The following PTPRA variants were observed in gnomAD, a reference collection of about 807,000 sequenced individuals.
The protein encoded by PTPRA is protein tyrosine phosphatase receptor type A, also known as receptor-type tyrosine-protein phosphatase alpha.
Under a neutral mutation model 104.8 loss-of-function variants are expected in PTPRA, and 25 were observed. That is an observed-to-expected ratio of 0.24 (90% CI 0.17 to 0.33). The LOEUF (loss-of-function observed/expected upper bound fraction) is 0.33, where lower values mean the gene tolerates loss of function less well. PTPRA is among the 10% of genes least tolerant of loss of function. The probability of loss-of-function intolerance (pLI) is 1.00; values close to 1 mark genes in which losing one functional copy is unlikely to be tolerated. For missense variants in PTPRA, 765 were observed against 1,015.3 expected (o/e 0.75, Z 3.35); for synonymous variants, 323 against 368.9 (o/e 0.88, Z 1.43).
At chr20:2,929,935 C>T (rs2060449463) in intron 2 of PTPRA, among the ~76,000 whole-genome samples, 1 of 152,122 alleles carries the variant, frequency 6.6e-6, no homozygotes, top group African/African-American at 2.4e-5. Flanking sequence ...TACACGCAGA[C>T]ATCAGAAACA....
chr20:3,001,331 T>G (rs940701343), intron 9 of PTPRA, among the ~76,000 whole-genome samples: 1 of 152,220 alleles, frequency 6.6e-6, no homozygotes, highest in African/African-American at 2.4e-5. Context: ...CCTGACTCTT[T>G]TTAGGAGCCT....
At chr20:3,011,339 C>T (rs1035949214) in intron 11 of PTPRA, among the ~76,000 whole-genome samples, 1 of 152,178 alleles carries the variant, frequency 6.6e-6, no homozygotes, top group African/African-American at 2.4e-5. Context: ...TGAGCACCTG[C>T]TGTGTGCCAA....
At chr20:3,017,523 C>T (rs1464574215) in intron 12 of PTPRA, among the ~76,000 whole-genome samples, 3 of 152,166 alleles carry the variant, frequency 2.0e-5, no homozygotes, top group African/African-American at 7.2e-5. Context: ...ATTCTGTGAG[C>T]AGTCATGATT....
intron 20 of PTPRA, among the ~76,000 whole-genome samples, chr20:3,029,069 C>T (rs1052719637): frequency 6.7e-6 from 1 of 150,320 alleles, no homozygotes; most frequent in Non-Finnish European, 1.5e-5. Flanking sequence ...AACTTTGGTA[C>T]AAGGCTTTAC....
At chr20:3,002,498 T>G (rs2148272728) in intron 9 of PTPRA, among the ~76,000 whole-genome samples, 1 of 152,176 alleles carries the variant, frequency 6.6e-6, no homozygotes, top group East Asian at 1.9e-4. Context: ...GGCTAATTTT[T>G]TGTATTTTTA....
At chr20:2,998,698 T>C (rs1323606336) in intron 9 of PTPRA, among the ~76,000 whole-genome samples, 1 of 152,112 alleles carries the variant, frequency 6.6e-6, no homozygotes, top group Non-Finnish European at 1.5e-5. Context: ...TGGTGACTAT[T>C]GGGTGAGAGT....
chr20:2,897,536 C>T lies in PTPRA; in HGVS notation c.-129+23776C>T, dbSNP rs180998626. 3.7e-3 allele frequency among the ~76,000 whole-genome samples: 556 copies of T among 151,408 alleles called. 4 individuals carry two copies. The highest frequency in any genetic ancestry group is 0.013 in the African/African-American group (522 of 41,314). ...CCAAGTAGCTGGGGTTACAGGCACC[C>T]GCCATCATGCCCTACTAATTTTTGT... On this transcript the variant is annotated intron_variant, in intron 1 of 23. Coordinates refer to ENST00000399903, the MANE Select transcript of PTPRA (RefSeq NM_001385305.1).
chr20:2,949,051 G>C (rs1009369175), intron 3 of PTPRA, among the ~76,000 whole-genome samples: 2 of 151,974 alleles, frequency 1.3e-5, no homozygotes. Flanking sequence ...AAATCTTTAA[G>C]ATGTCAGATT....
At chr20:2,877,791 A>T (rs1219033309) in intron 1 of PTPRA, among the ~76,000 whole-genome samples, 2 of 152,260 alleles carry the variant, frequency 1.3e-5, no homozygotes, top group African/African-American at 4.8e-5. Context: ...CAGTACATAT[A>T]GAATATGATT....
chr20:3,012,425 T>C (rs913570827), intron 11 of PTPRA, among the ~76,000 whole-genome samples: 1 of 152,112 alleles, frequency 6.6e-6, no homozygotes, highest in African/African-American at 2.4e-5. Flanking sequence ...GAGGGTGATA[T>C]ATCCATGTAG....
At chr20:2,865,389 T>G in the PTPRA span, 31 of 1,613,964 alleles carry the variant, frequency 1.9e-5, no homozygotes, top group Non-Finnish European at 2.5e-5. The surrounding 1 kb of genome is among the most constrained non-coding windows in gnomAD (Gnocchi z 5.2). Context: ...CAAGCCCAGC[T>G]TTCCTGCAGG....
At chr20:2,924,213 T>C (rs563152421) in intron 2 of PTPRA, among the ~76,000 whole-genome samples, 12 of 151,970 alleles carry the variant, frequency 7.9e-5, no homozygotes, top group Admixed American at 2.0e-4. Flanking sequence ...ACCAGCCTGG[T>C]CAACATGGTG....
chr20:2,889,852 G>A (rs2058728619), intron 1 of PTPRA, among the ~76,000 whole-genome samples: 1 of 152,096 alleles, frequency 6.6e-6, no homozygotes, highest in Non-Finnish European at 1.5e-5. Flanking sequence ...TGGCATCAAA[G>A]GGGGAATCCA....
rs1177340027 is a variant in PTPRA, at chr20:2,965,145, C to T, written c.358C>T (p.Pro120Ser). 3 of 1,614,062 alleles carry T rather than the reference C, an allele frequency of 1.9e-6. No individual in the cohort carries two copies. Among genetic ancestry groups the T allele is most frequent in the Non-Finnish European group, 2.5e-6 (3 of 1,180,028 alleles). The stretch of plus-strand genomic sequence containing the variant: ...CCAGTTCACGGATGCCAGAACAGAA[C>T]CCTGGGAGGGGAATTCCAGCACCGC... ...DNQFTDARTE[P>S]WEGNSSTAAT... Residue 120 changes from proline to serine, a missense_variant, in exon 5 of 24, where the codon CCC becomes TCC. Coordinates refer to ENST00000399903, the MANE Select transcript of PTPRA (RefSeq NM_001385305.1).
At chr20:3,012,414 A>G (rs1020087745) in intron 11 of PTPRA, among the ~76,000 whole-genome samples, 1 of 152,170 alleles carries the variant, frequency 6.6e-6, no homozygotes, top group Non-Finnish European at 1.5e-5. Flanking sequence ...ATGAGAGAGT[A>G]GAGGGTGATA....
intron 1 of PTPRA, among the ~76,000 whole-genome samples, chr20:2,920,770 C>T (rs559164295): frequency 2.7e-5 from 4 of 149,562 alleles, no homozygotes; most frequent in African/African-American, 4.9e-5. Flanking sequence ...GAATATTGAC[C>T]GGGAGGAAAG....
intron 9 of PTPRA, among the ~76,000 whole-genome samples, chr20:2,990,838 A>G (rs1376911924): frequency 6.6e-6 from 1 of 152,184 alleles, no homozygotes; most frequent in Non-Finnish European, 1.5e-5. Context: ...GTCACCATTC[A>G]TATCTGCTCC....
At chr20:2,965,378 G>A (rs1037436147) in intron 5 of PTPRA, among the ~76,000 whole-genome samples, 176 bp downstream of exon 5, 3 of 152,214 alleles carry the variant, frequency 2.0e-5, no homozygotes, top group Non-Finnish European at 4.4e-5. Context: ...AAAGAAGAAA[G>A]ATTCTGGAGA....
chr20:2,899,733 A>G (rs886838579), intron 1 of PTPRA, among the ~76,000 whole-genome samples: 1 of 152,194 alleles, frequency 6.6e-6, no homozygotes, highest in Non-Finnish European at 1.5e-5. Context: ...GTAAATAATG[A>G]AAGCCATGGT....
Sources: gnomAD v4.1 joint callset for allele counts (sites outside exome capture counted in the v4.1 genomes callset) on GRCh38, gnomAD v4.1.1 for gene constraint, Gnocchi (gnomAD v3.1) non-coding constraint, MANE v1.5 for transcripts, NCBI Gene and HGNC (gene_info 2026-07-23, HGNC 2026-07-21) for gene names.